Variants in PCDHA2 observed in about 807,000 individuals in gnomAD.
PCDHA2 encodes protocadherin alpha-2.
PCDHA2 carries 58 observed loss-of-function variants against 66.0 expected under a neutral mutation model. That is an observed-to-expected ratio of 0.88 (90% CI 0.71 to 1.09). PCDHA2 has a LOEUF of 1.09. PCDHA2 is among the 50% of genes least tolerant of loss of function. The pLI is 0.00. For synonymous variants in PCDHA2, 634 were observed against 554.0 expected, an observed-to-expected ratio of 1.14 and a Z score of -2.03; for missense variants, 1,267 against 1,242.3, an observed-to-expected ratio of 1.02 and a Z score of -0.30.
chr5:140,797,798 T>C (rs1183383060), intron 1 of PCDHA2, among the ~76,000 whole-genome samples: 1 of 152,224 alleles, frequency 6.6e-6, no homozygotes, highest in Non-Finnish European at 1.5e-5. Context: ...CTTAGATTGT[T>C]CTTTGGATCA....
intron 1 of PCDHA2, chr5:140,857,523 C>T: frequency 1.9e-6 from 3 of 1,597,998 alleles, no homozygotes; most frequent in South Asian, 2.2e-5. Flanking sequence ...GTGTCCTACT[C>T]TCTGGTGGAG....
rs1466360830 is a variant in PCDHA2, at chr5:140,796,883, C to A, written c.1919C>A (p.Ala640Asp). 5.0e-6 allele frequency: 8 copies of A among 1,613,862 alleles called. No individual in the cohort carries two copies. The highest frequency in any genetic ancestry group is 6.8e-6 in the Non-Finnish European group (8 of 1,179,990). The part of the protein sequence containing the change: ...EISTTRALDE[A>D]DSPRHRLLVL... ...AGCACGACACGTGCCCTAGACGAGG[C>A]TGACTCCCCTCGACACCGCCTACTC... The change falls in exon 1 of 4, where the codon GCT becomes GAT. Residue 640 changes from alanine (A) to aspartate (D), a missense_variant. Transcript: ENST00000526136.
chr5:140,887,857 G>A lies in PCDHA2; in HGVS notation c.2388+90505G>A, dbSNP rs139840938. Among the ~76,000 whole-genome samples the A allele has an allele frequency of 2.6e-3, 395 of 152,084 alleles. 2 individuals carry two copies. The highest frequency in any genetic ancestry group is 9.3e-3 in the African/African-American group (384 of 41,488). ...TATCTTTTATTGACATATTTTCCAAGTTCACTAATTTTTCCTTTTGTAGTA... is the reference window on the plus strand; with the variant it reads ...TATCTTTTATTGACATATTTTCCAAATTCACTAATTTTTCCTTTTGTAGTA... On this transcript the variant is annotated intron_variant, in intron 1 of 3. Coordinates refer to ENST00000526136, the MANE Select transcript of PCDHA2 (RefSeq NM_018905.3).
intron 1 of PCDHA2, among the ~76,000 whole-genome samples, chr5:140,878,696 A>G (rs570754583): frequency 6.6e-6 from 1 of 152,360 alleles, no homozygotes; most frequent in East Asian, 1.9e-4. Context: ...TACATACCCC[A>G]GCCTGGTAGT....
intron 1 of PCDHA2, chr5:140,808,582 G>A: frequency 6.2e-7 from 1 of 1,614,070 alleles, no homozygotes; most frequent in East Asian, 2.2e-5. Context: ...TGTTCGTGAA[G>A]GAGAACAACC....
At position 140,812,160 on chromosome 5, in the gene PCDHA2, T is replaced by TTGTTGTTGTTGTTGC. The variant is rs1200150321; in HGVS notation, c.2388+14812_2388+14813insGTTGTTGTTGCTGTT. The TTGTTGTTGTTGTTGC allele has an allele frequency of 2.6e-5, 4 of 152,188 alleles. No homozygotes were observed. In the East Asian group the frequency reaches 7.7e-4, roughly 29 times the overall value. The allele number at this position is 152,188 out of a possible 1,614,324, so 9.4% of individuals were successfully genotyped here. A position where few individuals can be genotyped will look rare whatever the true frequency, so the allele number is the denominator to read the frequency against. ...TGGTTTTGGGCTTTTGTTGTTGTTG[T>TTGTTGTTGTTGTTGC]TGTTAGGAGGTTTGGATTACTGATT... On this transcript the variant is annotated intron_variant, in intron 1 of 3. Coordinates refer to ENST00000526136, the MANE Select transcript of PCDHA2 (RefSeq NM_018905.3).
chr5:140,806,566 A>C (rs1416834474), intron 1 of PCDHA2, among the ~76,000 whole-genome samples: 3 of 152,202 alleles, frequency 2.0e-5, no homozygotes, highest in African/African-American at 7.2e-5. Context: ...TTCCCTGTCA[A>C]TAGCTTGTTC....
chr5:141,011,749 G>T lies in PCDHA2; in HGVS notation c.*1812G>T, dbSNP rs782567787. 1.2e-4 allele frequency: 18 copies of T among 153,636 alleles called. No homozygotes were observed. Among genetic ancestry groups the T allele is most frequent in the Non-Finnish European group, 2.5e-4 (17 of 68,010 alleles). 9.5% of individuals were successfully genotyped at this position (153,636 alleles called of 1,614,324 possible). A position where few individuals can be genotyped will look rare whatever the true frequency, so the allele number is the denominator to read the frequency against. On this transcript the variant is annotated 3_prime_UTR_variant, in exon 4 of 4. Coordinates refer to ENST00000526136, the MANE Select transcript of PCDHA2 (RefSeq NM_018905.3). ...GTGCAAGCACAAATTTTACCAATCT[G>T]ACCTCTTTGAAGTTGCAGAATGCTT...
intron 1 of PCDHA2, among the ~76,000 whole-genome samples, chr5:140,840,447 C>T (rs1442089035): frequency 1.3e-5 from 2 of 151,740 alleles, no homozygotes; most frequent in East Asian, 1.9e-4. Flanking sequence ...GAAATAGAAA[C>T]GTTAAATAAA....
intron 1 of PCDHA2, chr5:140,805,026 A>G (rs782742192): frequency 1.9e-6 from 3 of 1,579,022 alleles, no homozygotes; most frequent in Non-Finnish European, 2.6e-6. Flanking sequence ...CTTCTTGAAT[A>G]TAATAGAGTC....
At chr5:140,877,137 G>A in intron 1 of PCDHA2, 1 of 1,613,796 alleles carries the variant, frequency 6.2e-7, no homozygotes. Context: ...AGGTGTTCGT[G>A]CTGGACGAGA....
At chr5:140,978,873 A>G in intron 1 of PCDHA2, 76 bp from the exon 2 acceptor site, 2 of 1,608,618 alleles carry the variant, frequency 1.2e-6, no homozygotes, top group Non-Finnish European at 1.7e-6. Flanking sequence ...TAAGGGAGTA[A>G]CTAATCAATT....
chr5:140,900,062 A>C (rs1221394657), intron 1 of PCDHA2, among the ~76,000 whole-genome samples: 1 of 152,138 alleles, frequency 6.6e-6, no homozygotes, highest in Non-Finnish European at 1.5e-5. Flanking sequence ...CTTTAACCTC[A>C]GCCTCCAAAA....
intron 1 of PCDHA2, chr5:140,850,083 C>G: frequency 6.3e-7 from 1 of 1,596,622 alleles, no homozygotes; most frequent in Non-Finnish European, 8.6e-7. Context: ...GGAGCTGGAG[C>G]TGCTACAGTT....
chr5:140,847,230 A>G (rs1780911631), intron 1 of PCDHA2, among the ~76,000 whole-genome samples: 1 of 149,868 alleles, frequency 6.7e-6, no homozygotes, highest in Admixed American at 6.7e-5. Flanking sequence ...GAGCTATTTA[A>G]CTACCTTGAG....
At chr5:140,843,109 A>T (rs2150352812) in intron 1 of PCDHA2, 2 of 1,595,800 alleles carry the variant, frequency 1.3e-6, no homozygotes. Context: ...AGGTGCGCGC[A>T]GTGGACGCCG....
chr5:140,967,698 A>T, intron 1 of PCDHA2: 1 of 1,614,174 alleles, frequency 6.2e-7, no homozygotes, highest in Non-Finnish European at 8.5e-7. Context: ...TTCAGCATAG[A>T]TGCCAGTACC....
intron 1 of PCDHA2, among the ~76,000 whole-genome samples, chr5:140,911,721 A>G (rs1442469379): frequency 6.6e-6 from 1 of 152,168 alleles, no homozygotes; most frequent in African/African-American, 2.4e-5. Context: ...GTAACTCTGT[A>G]AACAGTTCGT....
At chr5:140,861,996 G>T (rs988991562) in intron 1 of PCDHA2, 4 of 155,486 alleles carry the variant, frequency 2.6e-5, no homozygotes, top group African/African-American at 9.7e-5. Context: ...AAGGTACACT[G>T]GTTATTAGAC....
Sources: allele counts gnomAD v4.1 joint callset (sites outside exome capture counted in the v4.1 genomes callset), GRCh38; gene constraint gnomAD v4.1.1; transcripts MANE v1.5; gene names NCBI Gene and HGNC (gene_info 2026-07-23, HGNC 2026-07-21).